The following SNTG1 variants were observed in gnomAD, a reference collection of about 807,000 sequenced individuals.
The protein encoded by SNTG1 is gamma-1-syntrophin.
A neutral mutation model predicts 74.7 loss-of-function variants in SNTG1; 39 were observed. The ratio of observed to expected loss-of-function variants is 0.52; its 90% CI spans 0.40 to 0.68. The LOEUF (loss-of-function observed/expected upper bound fraction) is 0.68. Ranked by LOEUF, SNTG1 falls within the 30% of genes least tolerant of loss-of-function variation. The pLI, the probability that SNTG1 is intolerant of heterozygous loss-of-function variation, is 0.00. For synonymous variants in SNTG1, 254 were observed against 217.1 expected, an observed-to-expected ratio of 1.17 and a Z score of -1.49; for missense variants, 685 against 609.5, an observed-to-expected ratio of 1.12 and a Z score of -1.30.
intron 1 of SNTG1, among the ~76,000 whole-genome samples, chr8:50,000,702 G>A (rs1304495306): frequency 6.6e-6 from 1 of 152,142 alleles, no homozygotes; most frequent in Non-Finnish European, 1.5e-5. Context: ...TCACATAAAT[G>A]TATAAGAAAT....
At chr8:50,076,217 T>G (rs1195247629) in intron 1 of SNTG1, among the ~76,000 whole-genome samples, 3 of 152,146 alleles carry the variant, frequency 2.0e-5, no homozygotes, top group African/African-American at 7.2e-5. Context: ...CACATGCTAA[T>G]TTAGTTGAGG....
At chr8:50,735,108 C>T (rs1563792961) in intron 17 of SNTG1, among the ~76,000 whole-genome samples, 1 of 151,166 alleles carries the variant, frequency 6.6e-6, no homozygotes, top group East Asian at 2.0e-4. Flanking sequence ...TCATCCGAAA[C>T]AGAAACTCTG....
chr8:50,557,850 C>T (rs1377521209), intron 12 of SNTG1, among the ~76,000 whole-genome samples: 1 of 152,190 alleles, frequency 6.6e-6, no homozygotes, highest in Non-Finnish European at 1.5e-5. Flanking sequence ...TGTGCAATGT[C>T]TCCTATAGCA....
chr8:50,002,633 A>G (rs2130465000), intron 1 of SNTG1, among the ~76,000 whole-genome samples: 1 of 152,070 alleles, frequency 6.6e-6, no homozygotes, highest in East Asian at 1.9e-4. Context: ...TCAATTCTTA[A>G]ATTTATTTAA....
intron 15 of SNTG1, among the ~76,000 whole-genome samples, chr8:50,679,111 A>ATT (rs2095321302): frequency 6.6e-6 from 1 of 152,136 alleles, no homozygotes; most frequent in Non-Finnish European, 1.5e-5. Flanking sequence ...ACTGGATAAC[A>ATT]GCCTGTGGGC....
chr8:50,184,180 T>A (rs994044071), intron 2 of SNTG1, among the ~76,000 whole-genome samples: 5 of 152,242 alleles, frequency 3.3e-5, no homozygotes, highest in Admixed American at 1.3e-4. Flanking sequence ...TATTATTATT[T>A]TTTGAGATGG....
intron 10 of SNTG1, among the ~76,000 whole-genome samples, chr8:50,532,756 C>A (rs2094279327): frequency 6.6e-6 from 1 of 152,156 alleles, no homozygotes; most frequent in Non-Finnish European, 1.5e-5. Context: ...AGTGGGCACT[C>A]AGAAGAAAGA....
intron 13 of SNTG1, among the ~76,000 whole-genome samples, chr8:50,642,736 T>C (rs1339429958): frequency 6.6e-6 from 1 of 152,198 alleles, no homozygotes; most frequent in Admixed American, 6.5e-5. Flanking sequence ...CCCAGTATTT[T>C]CTGTCTTCTT....
At chr8:50,079,391 C>T (rs1822189986) in intron 1 of SNTG1, among the ~76,000 whole-genome samples, 1 of 149,452 alleles carries the variant, frequency 6.7e-6, no homozygotes, top group Admixed American at 6.7e-5. Flanking sequence ...CCTTTGCCCA[C>T]TTTTTGATGG....
intron 8 of SNTG1, among the ~76,000 whole-genome samples, chr8:50,477,327 T>G (rs2093704753): frequency 6.6e-6 from 1 of 152,148 alleles, no homozygotes; most frequent in Admixed American, 6.6e-5. Context: ...CAATAGCATG[T>G]ACACTTGATG....
chr8:50,351,517 A>T (rs910394765), intron 2 of SNTG1, among the ~76,000 whole-genome samples: 4 of 152,214 alleles, frequency 2.6e-5, no homozygotes, highest in African/African-American at 7.2e-5. Context: ...TTGATCATGT[A>T]TAATTTCCTA....
chr8:50,012,944 T>C (rs1342701374), intron 1 of SNTG1, among the ~76,000 whole-genome samples: 1 of 152,122 alleles, frequency 6.6e-6, no homozygotes, highest in East Asian at 1.9e-4. Context: ...GGTTGGAATG[T>C]GGGCTCTGGA....
intron 2 of SNTG1, among the ~76,000 whole-genome samples, chr8:50,360,523 C>A (rs1441556296): frequency 6.6e-6 from 1 of 152,116 alleles, no homozygotes; most frequent in Non-Finnish European, 1.5e-5. Context: ...GGGATACATT[C>A]TGAGAAATGT....
At position 50,090,167 on chromosome 8, in the gene SNTG1, T is replaced by A. The variant is rs76625375; in HGVS notation, c.-102-82394T>A. Among the ~76,000 whole-genome samples the A allele has an allele frequency of 2.3e-4, 35 of 152,314 alleles. 1 individual carries two copies. In the East Asian group the frequency reaches 6.8e-3, roughly 29 times the overall value. On this transcript the variant is annotated intron_variant, in intron 1 of 18. Transcript: ENST00000642720. ...TTTCTTCTTAAATATTATAAAATCTTTGAGCAAAGTTTCAAATTTCATTAG... is the reference window on the plus strand; with the variant it reads ...TTTCTTCTTAAATATTATAAAATCTATGAGCAAAGTTTCAAATTTCATTAG...
intron 1 of SNTG1, among the ~76,000 whole-genome samples, chr8:49,960,438 C>A (rs1056163260): frequency 6.6e-6 from 1 of 152,026 alleles, no homozygotes; most frequent in Non-Finnish European, 1.5e-5. Context: ...GCATAATATA[C>A]AGAATTGATT....
intron 1 of SNTG1, among the ~76,000 whole-genome samples, chr8:50,157,767 T>C (rs1180166808): frequency 6.6e-6 from 1 of 152,112 alleles, no homozygotes; most frequent in African/African-American, 2.4e-5. Context: ...TTGCTACTGG[T>C]GCTTTGTTTA....
rs182847193 is a variant in SNTG1, at chr8:50,131,102, A to G, written c.-102-41459A>G. ...CACAGAGAAAAAGCAGAACATATAAAATAAGCTTCCAGTGGATATAGACAG... is the reference window on the plus strand; with the variant it reads ...CACAGAGAAAAAGCAGAACATATAAGATAAGCTTCCAGTGGATATAGACAG... On this transcript the variant is annotated intron_variant, in intron 1 of 18. Transcript: ENST00000642720. Among the ~76,000 whole-genome samples the G allele has an allele frequency of 6.2e-4, 95 of 152,240 alleles. No homozygotes were observed. The East Asian group carries it at 0.015, about 24-fold the overall frequency.
intron 17 of SNTG1, among the ~76,000 whole-genome samples, chr8:50,716,298 T>C (rs2095474867): frequency 6.6e-6 from 1 of 152,160 alleles, no homozygotes; most frequent in African/African-American, 2.4e-5. Context: ...AACATCAAAA[T>C]GAATTCTTTC....
At chr8:50,058,535 C>T (rs1820212774) in intron 1 of SNTG1, among the ~76,000 whole-genome samples, 1 of 152,110 alleles carries the variant, frequency 6.6e-6, no homozygotes, top group Non-Finnish European at 1.5e-5. Context: ...CTTTCCACAA[C>T]TATCTTGAAT....
Sources: allele counts gnomAD v4.1 joint callset (sites outside exome capture counted in the v4.1 genomes callset), GRCh38; gene constraint gnomAD v4.1.1; transcripts MANE v1.5; gene names NCBI Gene and HGNC (gene_info 2026-07-23, HGNC 2026-07-21).